The following ABCA6 variants were observed in gnomAD, a reference collection of about 807,000 sequenced individuals.
ABCA6 encodes the protein ATP binding cassette subfamily A member 6, also known as ATP-binding cassette sub-family A member 6.
In ABCA6, 164 loss-of-function variants were observed where a neutral mutation model predicts 191.2. That is an observed-to-expected ratio of 0.86 (90% CI 0.76 to 0.98). ABCA6 has a LOEUF of 0.98. Among genes scored for constraint, ABCA6 ranks in the 50% least tolerant of loss-of-function variants. The probability of loss-of-function intolerance (pLI) is 0.00; values close to 1 mark genes in which losing one functional copy is unlikely to be tolerated. For synonymous variants in ABCA6, 636 were observed against 647.7 expected (o/e 0.98, Z 0.27); for missense variants, 1,958 against 1,894.1 (o/e 1.03, Z -0.63).
At chr17:69,082,785 A>C in intron 36 of ABCA6, 88 bp downstream of exon 36, 1 of 1,551,342 alleles carries the variant, frequency 6.4e-7, no homozygotes, top group Non-Finnish European at 8.7e-7. Flanking sequence ...TATGAAGCCA[A>C]ATCACTATGA....
intron 16 of ABCA6, 100 bp from the exon 17 acceptor site, chr17:69,111,040 T>A: frequency 8.3e-7 from 1 of 1,199,758 alleles, no homozygotes; most frequent in Non-Finnish European, 1.1e-6. Flanking sequence ...ACAACTTTAC[T>A]TGGCTTTATG....
Position 69,085,233 on chromosome 17 carries a change from C to T in ABCA6, c.4030-51G>A, listed in dbSNP as rs746286979. 5 of 1,529,684 alleles carry T rather than the reference C, an allele frequency of 3.3e-6. No individual in the cohort carries two copies. In the East Asian group the frequency reaches 9.5e-5, roughly 29 times the overall value. The allele number at this position is 1,529,684 out of a possible 1,614,324, so 94.8% of individuals were successfully genotyped here. On this transcript the variant is annotated intron_variant, in intron 31 of 38. Coordinates refer to ENST00000284425, the MANE Select transcript of ABCA6 (RefSeq NM_080284.3). ...AGGCATGCAGCCTTTATTCCAATAG[C>T]GTAATTACTCCAGAAACTGACATAT...
At position 69,102,946 on chromosome 17, in the gene ABCA6, T is replaced by C; in HGVS notation, c.2763A>G (p.Ile921Met). The C allele has an allele frequency of 1.3e-6, 2 of 1,544,540 alleles. No homozygotes were observed. Among genetic ancestry groups the C allele is most frequent in the South Asian group, 2.4e-5 (2 of 84,262 alleles). Residue 921 changes from isoleucine (I) to methionine (M), a missense_variant, in exon 21 of 39, where the codon ATA becomes ATG. Physicochemically the swap from Ile to Met is conservative, Grantham distance 10. Coordinates refer to ENST00000284425, the MANE Select transcript of ABCA6 (RefSeq NM_080284.3). ...NNTESNIEDF[I>M]KSLKHQNILL... is the part of the protein sequence containing the mutation. ...GTATATTTTGATGCTTCAGTGATTT[T>C]ATAAAATCTTCAATATTTGATTCTA... is the stretch of plus-strand genomic sequence containing the variant.
intron 29 of ABCA6, 77 bp from the exon 30 acceptor site, chr17:69,086,812 T>C: frequency 2.2e-6 from 2 of 906,784 alleles, no homozygotes; most frequent in Non-Finnish European, 3.4e-6. Flanking sequence ...TCATGCCTTA[T>C]GTCATAAGCC....
At chr17:69,128,861 C>T (rs1243757801) in intron 7 of ABCA6, 57 bp from the exon 8 acceptor site, 1 of 1,339,514 alleles carries the variant, frequency 7.5e-7, no homozygotes, top group Middle Eastern at 1.9e-4. Flanking sequence ...CACTGAGAAT[C>T]ATTGGCAGCC....
Position 69,096,365 on chromosome 17 carries a change from A to G in ABCA6, c.3295-12T>C, listed in dbSNP as rs1226819627. On this transcript the variant is annotated splice_polypyrimidine_tract_variant and intron_variant, in intron 24 of 38. Coordinates refer to ENST00000284425, the MANE Select transcript of ABCA6 (RefSeq NM_080284.3). ...GGAGTAACTATAACCTGAGCATAAAAGAAATAATAACATAGTCAAAAAATC... is the reference window on the plus strand; with the variant it reads ...GGAGTAACTATAACCTGAGCATAAAGGAAATAATAACATAGTCAAAAAATC... 4 of 1,348,374 alleles carry G rather than the reference A, an allele frequency of 3.0e-6. No individual in the cohort carries two copies. In the South Asian group the frequency reaches 4.7e-5, roughly 16 times the overall value. The allele number at this position is 1,348,374 out of a possible 1,614,324, so 83.5% of individuals were successfully genotyped here.
intron 37 of ABCA6, among the ~76,000 whole-genome samples, chr17:69,080,542 C>T (rs924712981): frequency 2.0e-5 from 3 of 152,020 alleles, no homozygotes; most frequent in African/African-American, 4.8e-5. Flanking sequence ...ATGCAGGGGA[C>T]GGTCAAAGCT....
intron 9 of ABCA6, 69 bp downstream of exon 9, chr17:69,124,819 T>C: frequency 1.1e-6 from 1 of 886,380 alleles, no homozygotes; most frequent in Non-Finnish European, 1.6e-6. Context: ...AAAGTCTATA[T>C]AATCTTAAAA....
intron 5 of ABCA6, 31 bp from the exon 6 acceptor site, chr17:69,133,898 TA>T: frequency 7.1e-7 from 1 of 1,407,846 alleles, no homozygotes; most frequent in East Asian, 2.3e-5. Context: ...ACATAATTAT[TA>T]TTTAAAAGAT....
At chr17:69,134,888 C>CTTTTTTTTTCTTT (rs528182725) in intron 4 of ABCA6, 146 bp from the exon 5 acceptor site, 1 of 257,558 alleles carries the variant, frequency 3.9e-6, no homozygotes, top group Non-Finnish European at 6.8e-6. Context: ...TTGTGGTTGT[C>CTTTTTTTTTCTTT]TTTTTTTTTT....
chr17:69,112,608 A>G (rs1178027615), intron 15 of ABCA6: 2 of 246,580 alleles, frequency 8.1e-6, no homozygotes, highest in African/African-American at 4.6e-5. Context: ...AAAAATGGGT[A>G]CACATGGACA....
At chr17:69,135,906 C>G (rs2144721208) in intron 4 of ABCA6, 186 bp downstream of exon 4, 2 of 615,234 alleles carry the variant, frequency 3.3e-6, no homozygotes, top group Admixed American at 3.0e-5. Flanking sequence ...TGTTGGATGA[C>G]TCTACAATTT....
At chr17:69,122,225 C>A (rs2073661251) in intron 10 of ABCA6, among the ~76,000 whole-genome samples, 2 of 152,000 alleles carry the variant, frequency 1.3e-5, no homozygotes, top group Admixed American at 1.3e-4. Flanking sequence ...AGATACCTAC[C>A]TCGTAAGCTT....
At chr17:69,088,515 A>G (rs2072857040) in intron 27 of ABCA6, among the ~76,000 whole-genome samples, 1 of 151,878 alleles carries the variant, frequency 6.6e-6, no homozygotes, top group African/African-American at 2.4e-5. Flanking sequence ...ATTATTTCTC[A>G]CCCCTACTCA....
chr17:69,107,598 A>G, intron 18 of ABCA6, 98 bp downstream of exon 18: 1 of 873,870 alleles, frequency 1.1e-6, no homozygotes, highest in Non-Finnish European at 1.8e-6. Flanking sequence ...ATGAAATCAC[A>G]TTTCTTAGTG....
At chr17:69,100,090 G>A (rs1204662528) in intron 22 of ABCA6, among the ~76,000 whole-genome samples, 2 of 152,158 alleles carry the variant, frequency 1.3e-5, no homozygotes, top group African/African-American at 4.8e-5. Context: ...CTTATGACAT[G>A]GTTAGGTGGG....
At chr17:69,084,173 G>T in intron 34 of ABCA6, 88 bp downstream of exon 34, 1 of 1,228,460 alleles carries the variant, frequency 8.1e-7, no homozygotes, top group Non-Finnish European at 1.2e-6. Flanking sequence ...GAACTAGTGG[G>T]TTTGAGGGCT....
At chr17:69,097,887 C>G (rs780106422) in intron 23 of ABCA6, 33 bp downstream of exon 23, 1 of 1,490,656 alleles carries the variant, frequency 6.7e-7, no homozygotes. Flanking sequence ...ATTGAAATTC[C>G]TGAAATTTCT....
At chr17:69,117,833 A>C in intron 11 of ABCA6, 65 bp downstream of exon 11, 1 of 1,227,012 alleles carries the variant, frequency 8.1e-7, no homozygotes, top group Non-Finnish European at 1.2e-6. Flanking sequence ...TTCACATTGA[A>C]TGTTTCCCTT....
Sources: gnomAD v4.1 joint callset for allele counts (sites outside exome capture counted in the v4.1 genomes callset) on GRCh38, gnomAD v4.1.1 for gene constraint, MANE v1.5 for transcripts, NCBI Gene and HGNC (gene_info 2026-07-23, HGNC 2026-07-21) for gene names.